Variants in ALG6 observed in about 807,000 individuals in gnomAD.
The protein encoded by ALG6 is dolichyl pyrophosphate Man9GlcNAc2 alpha-1,3-glucosyltransferase.
A neutral mutation model predicts 66.6 loss-of-function variants in ALG6; 46 were observed. The ratio of observed to expected loss-of-function variants is 0.69; its 90% CI spans 0.55 to 0.88. ALG6 has a LOEUF of 0.88. Ranked by LOEUF, ALG6 falls within the 40% of genes least tolerant of loss-of-function variation. ALG6 has a pLI of 0.00. For synonymous variants in ALG6, 185 were observed against 203.7 expected (o/e 0.91, Z 0.78); for missense variants, 505 against 586.8 (o/e 0.86, Z 1.44).
intron 14 of ALG6, 34 bp downstream of exon 14, chr1:63,429,160 C>A: frequency 6.9e-7 from 1 of 1,446,430 alleles, no homozygotes; most frequent in South Asian, 1.2e-5. Flanking sequence ...ACACATTTTT[C>A]AGCATGTCAC....
chr1:63,374,623 G>A (rs1000612492), intron 2 of ALG6, among the ~76,000 whole-genome samples: 5 of 65,992 alleles, frequency 7.6e-5, no homozygotes, highest in Non-Finnish European at 1.3e-4. Context: ...GCAAGACTCT[G>A]TCTCCAAAAA....
Position 63,437,062 on chromosome 1 carries a change from T to A in ALG6, c.*42T>A. On this transcript the variant is annotated 3_prime_UTR_variant, in exon 15 of 15. Transcript: ENST00000263440. ...ATTGTTTCCTAAACAAATGTGAAAA[T>A]GTGAACAGTGCTGAAAGGTTTTGTG... 1 of 1,561,566 alleles carries A rather than the reference T, an allele frequency of 6.4e-7. No homozygotes were observed. Among genetic ancestry groups the A allele is most frequent in the Non-Finnish European group, 8.8e-7 (1 of 1,138,130 alleles).
intron 14 of ALG6, among the ~76,000 whole-genome samples, chr1:63,436,522 T>A (rs1321465559): frequency 6.6e-6 from 1 of 152,110 alleles, no homozygotes; most frequent in African/African-American, 2.4e-5. Context: ...TTCAGTGCCT[T>A]GGTGGTAGGA....
At chr1:63,371,151 A>G (rs770340736) in intron 2 of ALG6, 92 bp downstream of exon 2, 13 of 849,364 alleles carry the variant, frequency 1.5e-5, no homozygotes, top group South Asian at 2.9e-5. Context: ...TGACCAGTAC[A>G]GAGAAGAATT....
rs1644489237 is a variant in ALG6 at position 63,406,214 on chromosome 1, C to A, written c.347-103C>A. 10 of 1,038,360 alleles carry A rather than the reference C, an allele frequency of 9.6e-6. No individual in the cohort carries two copies. The Admixed American group carries it at 1.2e-4, about 13-fold the overall frequency. 64.3% of individuals were successfully genotyped at this position (1,038,360 alleles called of 1,614,324 possible). A position where few individuals can be genotyped will look rare whatever the true frequency, so the allele number is the denominator to read the frequency against. On this transcript the variant is annotated intron_variant, in intron 5 of 14. Transcript: ENST00000263440. ...GGACTTGTCCATAGTAGGGCAAGAA[C>A]CTTGTGTTAATGAATTCTCAATGTT... is the stretch of plus-strand genomic sequence containing the variant.
intron 3 of ALG6, among the ~76,000 whole-genome samples, chr1:63,400,310 TATATATATAC>T (rs1644454712): frequency 1.9e-4 from 2 of 10,552 alleles, no homozygotes; most frequent in South Asian, 4.8e-3. Context: ...TATATATGTA[TATATATATAC>T]GTATATATAT....
At chr1:63,422,873 T>G (rs886489099) in intron 12 of ALG6, among the ~76,000 whole-genome samples, 2 of 152,000 alleles carry the variant, frequency 1.3e-5, no homozygotes, top group African/African-American at 4.8e-5. Flanking sequence ...GAGAATTGCT[T>G]GAACCCAGGA....
Position 63,436,972 on chromosome 1 carries a change from T to G in ALG6, c.1476T>G (p.Ile492Met). ...TCTTCTTGGTATACTTTAACATTAT[T>G]ATTATGTGGGATTCCAAAAGTGGAA... Reference protein sequence around the residue: ...FLFFLVYFNIIIMWDSKSGRN... With the variant: ...FLFFLVYFNIMIMWDSKSGRN... The change falls in exon 15 of 15, where the codon ATT becomes ATG. Residue 492 changes from isoleucine to methionine, a missense_variant. Transcript: ENST00000263440. 1 of 1,613,666 alleles carries G rather than the reference T, an allele frequency of 6.2e-7. No homozygotes were observed. Among genetic ancestry groups the G allele is most frequent in the Non-Finnish European group, 8.5e-7 (1 of 1,179,678 alleles).
At chr1:63,413,969 A>G in intron 9 of ALG6, 92 bp from the exon 10 acceptor site, 2 of 965,830 alleles carry the variant, frequency 2.1e-6, no homozygotes, top group South Asian at 1.4e-5. Flanking sequence ...TCACATCTCA[A>G]AAAGTTTATT....
At position 63,375,026 on chromosome 1, in the gene ALG6, A is replaced by T. The variant is rs553485263; in HGVS notation, c.82+3967A>T. On this transcript the variant is annotated intron_variant, in intron 2 of 14. Transcript: ENST00000263440. ...GGAGTTCCAGACCAGCCTAGCCAAC[A>T]TGGTGAAACCCCCTTTACAAAAAGA... Among the ~76,000 whole-genome samples the T allele has an allele frequency of 2.0e-5, 3 of 152,240 alleles. No individual in the cohort carries two copies. The South Asian group carries it at 6.2e-4, about 32-fold the overall frequency.
At chr1:63,411,893 C>T in intron 8 of ALG6, 33 bp from the exon 9 acceptor site, 1 of 1,613,842 alleles carries the variant, frequency 6.2e-7, no homozygotes. Flanking sequence ...TGACCTTTCC[C>T]TATCTTACTG....
rs1450720827 is a variant in ALG6 at position 63,414,130 on chromosome 1, A to G, written c.886A>G (p.Ile296Val). Reference sequence around the variant, plus strand: ...GATTAAGGATATTTTGCCACGTCACATCCAATTAATAATGAGGTAAGAGAA... The same window carrying G: ...GATTAAGGATATTTTGCCACGTCACGTCCAATTAATAATGAGGTAAGAGAA... The part of the protein sequence containing the change: ...LKIKDILPRH[I>V]QLIMSFCSTF... The change falls in exon 10 of 15, where the codon ATC becomes GTC. Residue 296 changes from isoleucine to valine, a missense_variant. By Grantham distance (29) the Ile-to-Val change is conservative. Coordinates refer to ENST00000263440, the MANE Select transcript of ALG6 (RefSeq NM_013339.4). The G allele has an allele frequency of 1.9e-6, 3 of 1,609,276 alleles. No homozygotes were observed. In the African/African-American group the frequency reaches 4.0e-5, roughly 22 times the overall value.
At chr1:63,390,913 C>T (rs953347297) in intron 2 of ALG6, among the ~76,000 whole-genome samples, 2 of 152,104 alleles carry the variant, frequency 1.3e-5, no homozygotes, top group Non-Finnish European at 2.9e-5. Context: ...TCTTTCTTAC[C>T]CTCTTCAGTG....
chr1:63,396,596 T>C lies in ALG6; in HGVS notation c.166T>C (p.Trp56Arg). The C allele has an allele frequency of 6.2e-7, 1 of 1,611,458 alleles. No individual in the cohort carries two copies. Among genetic ancestry groups the C allele is most frequent in the Non-Finnish European group, 8.5e-7 (1 of 1,177,662 alleles). The change falls in exon 3 of 15, where the codon TGG (tryptophan) becomes CGG (arginine). Residue 56 changes from tryptophan to arginine, a missense_variant and splice_region_variant. Physicochemically the swap from Trp to Arg is moderately radical, Grantham distance 101 (BLOSUM62 -3). Coordinates refer to ENST00000263440, the MANE Select transcript of ALG6 (RefSeq NM_013339.4). ...AACTTTTAATTTACCGGTCAAACAA[T>C]GGTATGATAATTTTAACTTGTTTTT... The part of the protein sequence containing the change: ...EITFNLPVKQ[W>R]YFNSSDNNLQ...
chr1:63,428,859 CTT>C, intron 13 of ALG6, 58 bp downstream of exon 13: 6 of 1,587,886 alleles, frequency 3.8e-6, no homozygotes, highest in Non-Finnish European at 5.2e-6. Flanking sequence ...TAATTTAAAA[CTT>C]TTTTATGAAG....
At chr1:63,383,205 C>T (rs1648386336) in intron 2 of ALG6, among the ~76,000 whole-genome samples, 1 of 151,610 alleles carries the variant, frequency 6.6e-6, no homozygotes, top group South Asian at 2.1e-4. Context: ...TCACTGTAGC[C>T]TCTGTCTCTG....
rs1557600126 is a variant in ALG6 at position 63,437,230 on chromosome 1, T to A, written c.*210T>A. The A allele has an allele frequency of 3.9e-6, 2 of 508,962 alleles. No homozygotes were observed. The highest frequency in any genetic ancestry group is 7.2e-5 in the East Asian group (2 of 27,824). The allele number at this position is 508,962 out of a possible 1,614,324, so 31.5% of individuals were successfully genotyped here. ...CAATGGAGGCTTGTCTAAGTACTGC[T>A]TGGCCAAAACATGTGGTTTTATTAT... On this transcript the variant is annotated 3_prime_UTR_variant, in exon 15 of 15. Coordinates refer to ENST00000263440, the MANE Select transcript of ALG6 (RefSeq NM_013339.4).
intron 1 of ALG6, 49 bp downstream of exon 1, chr1:63,367,736 A>C (rs1440938979): frequency 6.6e-6 from 1 of 152,100 alleles, no homozygotes; most frequent in Non-Finnish European, 1.5e-5. Flanking sequence ...CAGTGTGGGG[A>C]GGTGCCGGGG....
intron 14 of ALG6, among the ~76,000 whole-genome samples, chr1:63,430,523 G>A (rs1644640700): frequency 6.6e-6 from 1 of 152,190 alleles, no homozygotes; most frequent in Non-Finnish European, 1.5e-5. Context: ...CACCAACAAT[G>A]TGTGAGGGTT....
Sources: gnomAD v4.1 joint callset for allele counts (sites outside exome capture counted in the v4.1 genomes callset) on GRCh38, gnomAD v4.1.1 for gene constraint, MANE v1.5 for transcripts, NCBI Gene and HGNC (gene_info 2026-07-23, HGNC 2026-07-21) for gene names.